Variants in GOLGA5 observed in about 807,000 individuals in gnomAD.
The protein encoded by GOLGA5 is golgin A5.
In GOLGA5, 50 loss-of-function variants were observed where a neutral mutation model predicts 93.5. The ratio of observed to expected loss-of-function variants is 0.53; its 90% CI spans 0.43 to 0.68. The LOEUF (loss-of-function observed/expected upper bound fraction) is 0.68. Among genes scored for constraint, GOLGA5 ranks in the 30% least tolerant of loss-of-function variants. The probability of loss-of-function intolerance (pLI) is 0.00; values close to 1 mark genes in which losing one functional copy is unlikely to be tolerated. For synonymous variants in GOLGA5, 312 were observed against 304.5 expected, an observed-to-expected ratio of 1.02 and a Z score of -0.26; for missense variants, 760 against 856.4, an observed-to-expected ratio of 0.89 and a Z score of 1.40.
Position 92,837,466 on chromosome 14 carries a change from GA to G in GOLGA5, c.2115+23del. Reference sequence around the variant, plus strand: ...ATATATATGGTAAGTAAATTTATTTGAAAAAACAATGATGCACTTGATTTTT... The same window carrying G: ...ATATATATGGTAAGTAAATTTATTTGAAAAACAATGATGCACTTGATTTTT... On this transcript the variant is annotated intron_variant, in intron 12 of 12. Coordinates refer to ENST00000163416, the MANE Select transcript of GOLGA5 (RefSeq NM_005113.4). 1 of 1,105,642 alleles carries G rather than the reference GA, an allele frequency of 9.0e-7. No individual in the cohort carries two copies. The highest frequency in any genetic ancestry group is 1.3e-5 in the South Asian group (1 of 76,816). The allele number at this position is 1,105,642 out of a possible 1,614,324, so 68.5% of individuals were successfully genotyped here.
At chr14:92,810,153 C>G in intron 4 of GOLGA5, 101 bp from the exon 5 acceptor site, 1 of 758,658 alleles carries the variant, frequency 1.3e-6, no homozygotes, top group Non-Finnish European at 2.2e-6. Context: ...GTCAAATTAT[C>G]TTTTTTGTGC....
chr14:92,817,074 G>A (rs1885225842), intron 7 of GOLGA5, among the ~76,000 whole-genome samples: 1 of 151,928 alleles, frequency 6.6e-6, no homozygotes, highest in African/African-American at 2.4e-5. Context: ...TTGAGTAGCT[G>A]GGATTACAGA....
chr14:92,819,557 C>G, intron 7 of GOLGA5, 151 bp from the exon 8 acceptor site: 1 of 681,670 alleles, frequency 1.5e-6, no homozygotes, highest in South Asian at 1.7e-5. Context: ...CCCTTGAGCC[C>G]AGGAGTTTGA....
chr14:92,797,227 C>T (rs918362277), intron 1 of GOLGA5, among the ~76,000 whole-genome samples, 181 bp from the exon 2 acceptor site: 7 of 151,974 alleles, frequency 4.6e-5, no homozygotes, highest in African/African-American at 1.7e-4. Flanking sequence ...AGTACACTTT[C>T]CCCCCCATTT....
chr14:92,825,871 A>C (rs1335324364), intron 9 of GOLGA5, among the ~76,000 whole-genome samples: 2 of 150,762 alleles, frequency 1.3e-5, no homozygotes, highest in African/African-American at 4.9e-5. Flanking sequence ...AAAAAAGAAA[A>C]AACAACCATA....
chr14:92,820,134 C>T (rs8005972), intron 8 of GOLGA5, among the ~76,000 whole-genome samples: 99,529 of 151,988 alleles, frequency 0.65, 33,029 homozygotes, highest in African/African-American at 0.77. Flanking sequence ...TCACCGGCAC[C>T]GGTCTCTGCG....
At chr14:92,831,862 A>T (rs1047159075) in intron 9 of GOLGA5, among the ~76,000 whole-genome samples, 2 of 152,158 alleles carry the variant, frequency 1.3e-5, no homozygotes, top group Non-Finnish European at 2.9e-5. Context: ...GTACCATATT[A>T]GGTGTTTTAT....
chr14:92,803,537 A>G (rs554421019), intron 2 of GOLGA5, among the ~76,000 whole-genome samples: 30 of 152,296 alleles, frequency 2.0e-4, no homozygotes, highest in Non-Finnish European at 4.0e-4. Flanking sequence ...GGGTATTCTT[A>G]CTGAAAGGTT....
In GOLGA5 at chr14:92,819,688, T is replaced by A; in HGVS notation, c.1492-20T>A. ...CTGAATGTTAATTATTGCTTTTACA[T>A]GTAAGCTTTTTCTCTTTAGGATATG... On this transcript the variant is annotated intron_variant, in intron 7 of 12. Coordinates refer to ENST00000163416, the MANE Select transcript of GOLGA5 (RefSeq NM_005113.4). 6.2e-7 allele frequency: 1 copy of A among 1,610,330 alleles called. No homozygotes were observed. Among genetic ancestry groups the A allele is most frequent in the East Asian group, 2.2e-5 (1 of 44,850 alleles).
chr14:92,812,132 T>G (rs1221933501), intron 6 of GOLGA5, among the ~76,000 whole-genome samples: 3 of 152,202 alleles, frequency 2.0e-5, no homozygotes, highest in Admixed American at 6.5e-5. Context: ...TTTTTTCCCC[T>G]CCTTCAGATC....
At position 92,797,897 on chromosome 14, in the gene GOLGA5, C is replaced by G. The variant is rs961384993; in HGVS notation, c.460C>G (p.Gln154Glu). 9.9e-6 allele frequency: 16 copies of G among 1,612,968 alleles called. No individual in the cohort carries two copies. Among genetic ancestry groups the G allele is most frequent in the Non-Finnish European group, 6.8e-6 (8 of 1,179,196 alleles). The part of the protein sequence containing the change: ...KGKTPVFQSS[Q>E]TSSVSSVNPS... ...CAAGACACCTGTCTTTCAGAGCTCT[C>G]AGACATCAAGTGTCAGTTCTGTGAA... The change falls in exon 2 of 13, where the codon CAG becomes GAG. Residue 154 changes from glutamine (Q) to glutamate (E), a missense_variant. Physicochemically the swap from Gln to Glu is conservative, Grantham distance 29 (BLOSUM62 2). Transcript: ENST00000163416.
At position 92,797,597 on chromosome 14, in the gene GOLGA5, T is replaced by G. The variant is rs764953832; in HGVS notation, c.160T>G (p.Tyr54Asp). ...ELHQQNTDLI[Y>D]QTGPKSTYIS... ...TCACCAGCAAAATACAGATTTGATA[T>G]ATCAGACTGGACCTAAATCTACGTA... is the stretch of plus-strand genomic sequence containing the variant. Residue 54 changes from tyrosine to aspartate, a missense_variant, in exon 2 of 13, where the codon TAT (tyrosine) becomes GAT (aspartate). Transcript: ENST00000163416. The G allele has an allele frequency of 1.9e-6, 3 of 1,613,498 alleles. No homozygotes were observed. The highest frequency in any genetic ancestry group is 4.5e-5 in the East Asian group (2 of 44,900).
chr14:92,814,472 G>A (rs564630833), intron 6 of GOLGA5, among the ~76,000 whole-genome samples: 14 of 152,216 alleles, frequency 9.2e-5, no homozygotes, highest in South Asian at 4.2e-4. Flanking sequence ...TCCGGGGTGC[G>A]CTGGGAGCTG....
At chr14:92,805,514 G>A (rs1328860849) in intron 2 of GOLGA5, among the ~76,000 whole-genome samples, 1 of 152,158 alleles carries the variant, frequency 6.6e-6, no homozygotes, top group Non-Finnish European at 1.5e-5. Flanking sequence ...ACCTAGGAGT[G>A]GAATTGCTGG....
chr14:92,805,737 CA>C (rs1475909988), intron 2 of GOLGA5, among the ~76,000 whole-genome samples: 6 of 152,048 alleles, frequency 3.9e-5, no homozygotes, highest in Non-Finnish European at 1.5e-5. Flanking sequence ...TAAACATGTT[CA>C]GAACTTTTTC....
intron 10 of GOLGA5, among the ~76,000 whole-genome samples, chr14:92,833,829 C>T (rs1031973373): frequency 2.0e-5 from 3 of 152,076 alleles, no homozygotes; most frequent in African/African-American, 4.8e-5. Context: ...CTTGGAACTT[C>T]GTAAAGTCTA....
chr14:92,828,937 A>G (rs556051744), intron 9 of GOLGA5, among the ~76,000 whole-genome samples: 131 of 152,008 alleles, frequency 8.6e-4, no homozygotes, highest in African/African-American at 3.0e-3. Context: ...CCAAGTGCTG[A>G]GATTACAGGC....
At chr14:92,809,245 C>T in intron 3 of GOLGA5, 55 bp from the exon 4 acceptor site, 1 of 1,228,842 alleles carries the variant, frequency 8.1e-7, no homozygotes, top group South Asian at 1.3e-5. Flanking sequence ...TGTACGTGCT[C>T]TGAGAAAAAT....
intron 1 of GOLGA5, among the ~76,000 whole-genome samples, chr14:92,795,498 C>A (rs552256286): frequency 6.6e-6 from 1 of 152,268 alleles, no homozygotes; most frequent in Non-Finnish European, 1.5e-5. Context: ...ACCCTTTCCA[C>A]ATTTGCTTTA....
Sources: gnomAD v4.1 joint callset for allele counts (sites outside exome capture counted in the v4.1 genomes callset) on GRCh38, gnomAD v4.1.1 for gene constraint, MANE v1.5 for transcripts, NCBI Gene and HGNC (gene_info 2026-07-23, HGNC 2026-07-21) for gene names.